AKIRIN2: variants seen among roughly 807,000 people sequenced by gnomAD.
The protein encoded by AKIRIN2 is akirin-2.
A neutral mutation model predicts 29.3 loss-of-function variants in AKIRIN2; 6 were observed. That is an observed-to-expected ratio of 0.20 (90% CI 0.11 to 0.40). The LOEUF (loss-of-function observed/expected upper bound fraction) is 0.40, where lower values mean the gene tolerates loss of function less well. AKIRIN2 is among the 10% of genes least tolerant of loss of function. The pLI is 1.00. For synonymous variants in AKIRIN2, 128 were observed against 117.5 expected, an observed-to-expected ratio of 1.09 and a Z score of -0.58; for missense variants, 210 against 276.1, an observed-to-expected ratio of 0.76 and a Z score of 1.70.
intron 2 of AKIRIN2, among the ~76,000 whole-genome samples, chr6:87,679,456 C>G (rs1017877504): frequency 3.3e-5 from 5 of 152,132 alleles, no homozygotes; most frequent in Non-Finnish European, 7.3e-5. Flanking sequence ...CAAGATCTCA[C>G]CACTGTACTC....
chr6:87,689,884 T>C (rs1382076249), intron 1 of AKIRIN2, among the ~76,000 whole-genome samples: 1 of 152,220 alleles, frequency 6.6e-6, no homozygotes, highest in African/African-American at 2.4e-5. Flanking sequence ...TCTGGAACTA[T>C]GCGTATTTAA....
At chr6:87,691,674 G>A (rs1423244419) in intron 1 of AKIRIN2, among the ~76,000 whole-genome samples, 1 of 152,152 alleles carries the variant, frequency 6.6e-6, no homozygotes, top group Non-Finnish European at 1.5e-5. Flanking sequence ...CAGCTAGGGA[G>A]TAGAGGGAAA....
At position 87,675,516 on chromosome 6, in the gene AKIRIN2, G is replaced by T; in HGVS notation, c.*81C>A. 1 of 1,549,824 alleles carries T rather than the reference G, an allele frequency of 6.5e-7. No homozygotes were observed. Among genetic ancestry groups the T allele is most frequent in the Non-Finnish European group, 8.9e-7 (1 of 1,122,218 alleles). On this transcript the variant is annotated 3_prime_UTR_variant, in exon 5 of 5. Transcript: ENST00000257787. ...ACCTGTATTCACAGAAGGGGTATTGGCATTGCTGCATGTCATAATTGGGAC... is the reference window on the plus strand; with the variant it reads ...ACCTGTATTCACAGAAGGGGTATTGTCATTGCTGCATGTCATAATTGGGAC...
At chr6:87,679,194 AAAG>A (rs1473261950) in intron 2 of AKIRIN2, among the ~76,000 whole-genome samples, 3 of 152,094 alleles carry the variant, frequency 2.0e-5, no homozygotes, top group Non-Finnish European at 4.4e-5. Context: ...ATGTTTAAAA[AAAG>A]AAGGTACAGC....
At position 87,701,975 on chromosome 6, in the gene AKIRIN2, C is replaced by G. The variant is rs1428585806; in HGVS notation, c.-291G>C. ...TTCTTCCGCCTCCTCAGGCGCGGCTCCCCCGAGAGAGGCTCCGGCCGCCCC... is the reference window on the plus strand; with the variant it reads ...TTCTTCCGCCTCCTCAGGCGCGGCTGCCCCGAGAGAGGCTCCGGCCGCCCC... On this transcript the variant is annotated 5_prime_UTR_variant, in exon 1 of 5. Coordinates refer to ENST00000257787, the MANE Select transcript of AKIRIN2 (RefSeq NM_018064.4). 1 of 402,674 alleles carries G rather than the reference C, an allele frequency of 2.5e-6. No homozygotes were observed. Among genetic ancestry groups the G allele is most frequent in the Non-Finnish European group, 4.4e-6 (1 of 228,212 alleles). The allele number at this position is 402,674 out of a possible 1,614,324, so 24.9% of individuals were successfully genotyped here. A position where few individuals can be genotyped will look rare whatever the true frequency, so the allele number is the denominator to read the frequency against.
intron 1 of AKIRIN2, among the ~76,000 whole-genome samples, chr6:87,700,249 A>G (rs1771437294): frequency 8.2e-6 from 1 of 122,178 alleles, no homozygotes; most frequent in Admixed American, 9.8e-5. Flanking sequence ...TGGATTTAGA[A>G]AATATTTTTA....
At chr6:87,687,427 A>T (rs1771205047) in intron 1 of AKIRIN2, among the ~76,000 whole-genome samples, 1 of 96,066 alleles carries the variant, frequency 1.0e-5, no homozygotes. Flanking sequence ...CAACAAGAGC[A>T]AAATTCCGTT....
At chr6:87,697,598 G>A (rs994745485) in intron 1 of AKIRIN2, among the ~76,000 whole-genome samples, 1 of 152,194 alleles carries the variant, frequency 6.6e-6, no homozygotes, top group Non-Finnish European at 1.5e-5. Context: ...GAAGAGAGAT[G>A]CTGCCTCCTC....
chr6:87,686,331 T>A (rs1771184798), intron 1 of AKIRIN2, among the ~76,000 whole-genome samples: 1 of 151,876 alleles, frequency 6.6e-6, no homozygotes, highest in Non-Finnish European at 1.5e-5. Flanking sequence ...AACAGGAGAA[T>A]GTAGTTATGG....
intron 2 of AKIRIN2, among the ~76,000 whole-genome samples, chr6:87,678,737 T>TA (rs1771067465): frequency 6.6e-6 from 1 of 152,178 alleles, no homozygotes; most frequent in South Asian, 2.1e-4. Flanking sequence ...AAAAGACACT[T>TA]AGTCTTCAAA....
chr6:87,689,037 G>A (rs1771235834), intron 1 of AKIRIN2, among the ~76,000 whole-genome samples: 1 of 152,302 alleles, frequency 6.6e-6, no homozygotes. Context: ...CTGCAGGGAA[G>A]ATAAATGAAT....
chr6:87,677,080 G>GAAA (rs552579299), intron 3 of AKIRIN2, among the ~76,000 whole-genome samples: 1 of 112,674 alleles, frequency 8.9e-6, no homozygotes, highest in African/African-American at 3.3e-5. Flanking sequence ...TCCGTCTCAG[G>GAAA]AAAAAAAAAA....
intron 1 of AKIRIN2, among the ~76,000 whole-genome samples, chr6:87,682,120 C>T (rs1468085264): frequency 2.6e-5 from 4 of 152,230 alleles, no homozygotes; most frequent in African/African-American, 9.6e-5. Context: ...AGAACTATTA[C>T]ACTAACAGGC....
chr6:87,699,867 C>T (rs1771429491), intron 1 of AKIRIN2, among the ~76,000 whole-genome samples: 1 of 152,152 alleles, frequency 6.6e-6, no homozygotes, highest in African/African-American at 2.4e-5. Flanking sequence ...TTAATTCACT[C>T]CCTCGACTGA....
intron 1 of AKIRIN2, among the ~76,000 whole-genome samples, chr6:87,698,791 A>G (rs1379279013): frequency 6.6e-6 from 1 of 152,246 alleles, no homozygotes; most frequent in Non-Finnish European, 1.5e-5. Flanking sequence ...AAATATTTAA[A>G]TAAGAATAGT....
Position 87,701,479 on chromosome 6 carries a change from A to G in AKIRIN2, c.206T>C (p.Phe69Ser). The G allele has an allele frequency of 6.6e-7, 1 of 1,515,390 alleles. No homozygotes were observed. The highest frequency in any genetic ancestry group is 8.8e-7 in the Non-Finnish European group (1 of 1,135,438). 93.9% of individuals were successfully genotyped at this position (1,515,390 alleles called of 1,614,324 possible). A position where few individuals can be genotyped will look rare whatever the true frequency, so the allele number is the denominator to read the frequency against. ...QKYLRMEPSP[F>S]GDVSSRLTTE... ...GGTGAGGCGGGAGGAGACGTCGCCG[A>G]AGGGGGATGGCTCCATTCGGAGATA... is the stretch of plus-strand genomic sequence containing the variant. Residue 69 changes from phenylalanine (F) to serine (S), a missense_variant, in exon 1 of 5, where the codon TTC (phenylalanine) becomes TCC (serine). Phe to Ser is a radical substitution (Grantham distance 155). Around this residue, in one of 2 missense-constraint regions of AKIRIN2, gnomAD observed 199 missense variants for 236.5 expected, o/e 0.84. Transcript: ENST00000257787.
Sources: gnomAD v4.1 joint callset for allele counts (sites outside exome capture counted in the v4.1 genomes callset) on GRCh38, gnomAD v4.1.1 for gene constraint, gnomAD v4.1.1 regional missense constraint, MANE v1.5 for transcripts, NCBI Gene and HGNC (gene_info 2026-07-23, HGNC 2026-07-21) for gene names.